Variants in HTR4 observed in about 807,000 individuals in gnomAD.
HTR4 encodes the protein 5-hydroxytryptamine receptor 4.
A neutral mutation model predicts 36.8 loss-of-function variants in HTR4; 16 were observed. That is an observed-to-expected ratio of 0.43 (90% CI 0.29 to 0.66). The LOEUF is 0.66. Among genes scored for constraint, HTR4 ranks in the 30% least tolerant of loss-of-function variants. The probability of loss-of-function intolerance (pLI) is 0.13; values close to 1 mark genes in which losing one functional copy is unlikely to be tolerated. For missense variants in HTR4, 438 were observed against 490.9 expected (o/e 0.89, Z 1.02); for synonymous variants, 189 against 185.1 (o/e 1.02, Z -0.17).
chr5:148,529,876 G>A (rs1758468042), intron 4 of HTR4, among the ~76,000 whole-genome samples: 2 of 152,194 alleles, frequency 1.3e-5, no homozygotes, highest in African/African-American at 4.8e-5. Context: ...AACTTGCTGG[G>A]AACTGGAGCA....
intron 2 of HTR4, among the ~76,000 whole-genome samples, chr5:148,593,912 T>A (rs1391812335): frequency 6.6e-6 from 1 of 152,190 alleles, no homozygotes; most frequent in Non-Finnish European, 1.5e-5. Context: ...TATTTTTATA[T>A]GCTAGAGAAA....
At chr5:148,581,931 T>G (rs1388873841) in intron 2 of HTR4, among the ~76,000 whole-genome samples, 1 of 152,150 alleles carries the variant, frequency 6.6e-6, no homozygotes, top group Non-Finnish European at 1.5e-5. Flanking sequence ...GTGGGTAGTG[T>G]AGACATTTTC....
Position 148,636,981 on chromosome 5 carries a change from T to A in HTR4, c.26+8A>T, listed in dbSNP as rs775134468. 1 of 1,565,854 alleles carries A rather than the reference T, an allele frequency of 6.4e-7. No homozygotes were observed. Among genetic ancestry groups the A allele is most frequent in the South Asian group, 1.1e-5 (1 of 89,384 alleles). On this transcript the variant is annotated splice_region_variant and intron_variant, in intron 2 of 6. Coordinates refer to ENST00000377888, the MANE Select transcript of HTR4 (RefSeq NM_000870.7). ...TTACAACACAATATGTACAGAAAGG[T>A]AACATACCTCACATTAGCATCAAGT...
chr5:148,480,199 A>G (rs533391847), downstream of HTR4, among the ~76,000 whole-genome samples: 1 of 152,340 alleles, frequency 6.6e-6, no homozygotes, highest in South Asian at 2.1e-4. Flanking sequence ...ATGAGAAGTT[A>G]CGCTCATTAT....
chr5:148,546,913 T>C (rs1330979689), intron 4 of HTR4, among the ~76,000 whole-genome samples: 1 of 152,222 alleles, frequency 6.6e-6, no homozygotes, highest in Non-Finnish European at 1.5e-5. Context: ...AGTCAGATTG[T>C]TGTAAACAAG....
chr5:148,504,226 T>C (rs1581392466), intron 6 of HTR4, among the ~76,000 whole-genome samples: 2 of 152,148 alleles, frequency 1.3e-5, no homozygotes, highest in South Asian at 2.1e-4. Context: ...TATTCCAAAA[T>C]TGTCCACATA....
chr5:148,593,071 G>T (rs1028712382), intron 2 of HTR4, among the ~76,000 whole-genome samples: 3 of 152,078 alleles, frequency 2.0e-5, no homozygotes, highest in African/African-American at 7.2e-5. Context: ...CTCTCAAACT[G>T]GTATGCAATC....
intron 2 of HTR4, among the ~76,000 whole-genome samples, chr5:148,570,995 G>A (rs574694185): frequency 6.6e-6 from 1 of 152,142 alleles, no homozygotes; most frequent in East Asian, 1.9e-4. Flanking sequence ...ATACTGGGTT[G>A]TAGTTATGAT....
intron 1 of HTR4, among the ~76,000 whole-genome samples, chr5:148,647,641 G>T (rs1272514933): frequency 6.6e-6 from 1 of 152,224 alleles, no homozygotes; most frequent in African/African-American, 2.4e-5. Context: ...CTGAGCTCGG[G>T]AGTTCGAGAC....
chr5:148,652,950 T>A (rs1244806013), intron 1 of HTR4, among the ~76,000 whole-genome samples: 2 of 152,184 alleles, frequency 1.3e-5, no homozygotes, highest in African/African-American at 4.8e-5. Flanking sequence ...GCAGGTCTCA[T>A]CCCTTCCCTG....
chr5:148,510,039 G>C lies in HTR4; in HGVS notation c.508-15C>G, dbSNP rs201786379. 6 of 1,567,794 alleles carry C rather than the reference G, an allele frequency of 3.8e-6. No individual in the cohort carries two copies. The highest frequency in any genetic ancestry group is 5.2e-6 in the Non-Finnish European group (6 of 1,144,628). On this transcript the variant is annotated splice_polypyrimidine_tract_variant and intron_variant, in intron 5 of 6. Coordinates refer to ENST00000377888, the MANE Select transcript of HTR4 (RefSeq NM_000870.7). Reference sequence around the variant, plus strand: ...CTCTTTTCTATCTGAGAGTTGGAGGGAGAGAGGAAATGAGGAAAGGAGGTA... The same window carrying C: ...CTCTTTTCTATCTGAGAGTTGGAGGCAGAGAGGAAATGAGGAAAGGAGGTA...
intron 2 of HTR4, among the ~76,000 whole-genome samples, chr5:148,612,877 T>A (rs1244496361): frequency 2.3e-4 from 34 of 147,888 alleles, no homozygotes; most frequent in African/African-American, 8.5e-4. Context: ...AAATACAAAC[T>A]ACCATCAGAG....
intron 2 of HTR4, among the ~76,000 whole-genome samples, chr5:148,562,926 T>C (rs1467523954): frequency 6.6e-6 from 1 of 152,200 alleles, no homozygotes; most frequent in Admixed American, 6.5e-5. Flanking sequence ...ACTTGGTGAC[T>C]GCAAAGTCCT....
chr5:148,603,585 G>T (rs1436687854), intron 2 of HTR4, among the ~76,000 whole-genome samples: 1 of 151,938 alleles, frequency 6.6e-6, no homozygotes, highest in Non-Finnish European at 1.5e-5. Context: ...AAGCAAAACT[G>T]CCATTATTTA....
chr5:148,550,373 G>T, intron 2 of HTR4, 111 bp from the exon 3 acceptor site: 1 of 1,217,816 alleles, frequency 8.2e-7, no homozygotes, highest in Non-Finnish European at 1.2e-6. Flanking sequence ...ATCAGCTGAT[G>T]ACACATATAT....
intron 6 of HTR4, chr5:148,490,614 T>C: frequency 8.6e-7 from 1 of 1,167,412 alleles, no homozygotes; most frequent in Non-Finnish European, 1.1e-6. Flanking sequence ...TCCCCAGAAA[T>C]GTTGACTAAT....
At chr5:148,553,813 G>A (rs1759808766) in intron 2 of HTR4, among the ~76,000 whole-genome samples, 2 of 152,238 alleles carry the variant, frequency 1.3e-5, no homozygotes, top group Admixed American at 6.5e-5. Flanking sequence ...TGAAAAACAA[G>A]TTTGATGGTT....
intron 2 of HTR4, among the ~76,000 whole-genome samples, chr5:148,635,922 A>T (rs78474607): frequency 0.016 from 2,425 of 152,320 alleles, 74 homozygotes; most frequent in African/African-American, 0.055. Context: ...AGAGTGTAAA[A>T]TGTTTTATTG....
intron 6 of HTR4, among the ~76,000 whole-genome samples, chr5:148,489,218 A>G (rs534274883): frequency 6.6e-6 from 1 of 152,330 alleles, no homozygotes; most frequent in Admixed American, 6.5e-5. Context: ...TATTTCATAT[A>G]AACTTCACAA....
Sources: allele counts gnomAD v4.1 joint callset (sites outside exome capture counted in the v4.1 genomes callset), GRCh38; gene constraint gnomAD v4.1.1; transcripts MANE v1.5; gene names NCBI Gene and HGNC (gene_info 2026-07-23, HGNC 2026-07-21).